OPA1: variants seen among roughly 807,000 people sequenced by gnomAD.
The protein encoded by OPA1 is OPA1 mitochondrial dynamin like GTPase.
Under a neutral mutation model 152.9 loss-of-function variants are expected in OPA1, and 59 were observed. The ratio of observed to expected loss-of-function variants is 0.39; its 90% CI spans 0.31 to 0.48. The LOEUF (loss-of-function observed/expected upper bound fraction) is 0.48, where lower values mean the gene tolerates loss of function less well. Ranked by LOEUF, OPA1 falls within the 20% of genes least tolerant of loss-of-function variation. The pLI is 0.96. For synonymous variants in OPA1, 400 were observed against 389.9 expected, an observed-to-expected ratio of 1.03 and a Z score of -0.31; for missense variants, 1,008 against 1,216.8, an observed-to-expected ratio of 0.83 and a Z score of 2.55.
intron 30 of OPA1, among the ~76,000 whole-genome samples, chr3:193,693,642 A>G (rs548518080): frequency 8.5e-5 from 13 of 152,240 alleles, no homozygotes; most frequent in African/African-American, 3.1e-4. Flanking sequence ...TCTTGTCTCA[A>G]AAAAAAAGTG....
intron 11 of OPA1, 99 bp downstream of exon 11, chr3:193,638,164 G>A: frequency 1.2e-6 from 1 of 843,842 alleles, no homozygotes; most frequent in Non-Finnish European, 2.0e-6. Context: ...ACCAAAGAAA[G>A]ACTTGATACA....
chr3:193,667,917 C>G (rs183063692), intron 29 of OPA1, among the ~76,000 whole-genome samples: 44 of 152,184 alleles, frequency 2.9e-4, no homozygotes, highest in African/African-American at 1.1e-3. Flanking sequence ...CAATACCTGA[C>G]CCAGCTTCCT....
chr3:193,606,033 G>C (rs1727211663), intron 1 of OPA1, among the ~76,000 whole-genome samples: 1 of 152,106 alleles, frequency 6.6e-6, no homozygotes, highest in Non-Finnish European at 1.5e-5. Context: ...GAATCCCTTA[G>C]AGCCTCCTTT....
At chr3:193,642,115 CAAAACAAACAAA>C (rs1234872372) in intron 11 of OPA1, among the ~76,000 whole-genome samples, 6 of 152,206 alleles carry the variant, frequency 3.9e-5, no homozygotes, top group Non-Finnish European at 8.8e-5. Flanking sequence ...GACTCGGTCT[CAAAACAAACAAA>C]AAAACAAACA....
At chr3:193,692,254 A>G (rs1464125356) in intron 30 of OPA1, 122 bp downstream of exon 30, 8 of 663,596 alleles carry the variant, frequency 1.2e-5, no homozygotes, top group African/African-American at 1.1e-4. Context: ...TTTCAATGGC[A>G]TGAATCTCTG....
intron 15 of OPA1, 128 bp downstream of exon 15, chr3:193,643,755 AT>A (rs1267010032): frequency 3.2e-6 from 3 of 940,702 alleles, no homozygotes; most frequent in Admixed American, 2.5e-5. Context: ...CTTCGTATTC[AT>A]TTTATTAGTA....
chr3:193,593,483 C>A, intron 1 of OPA1, 74 bp downstream of exon 1: 2 of 1,375,204 alleles, frequency 1.5e-6, no homozygotes, highest in South Asian at 1.5e-5. Context: ...TCTCTATCTC[C>A]AAAAATGTGC....
intron 6 of OPA1, chr3:193,624,144 A>G (rs1730642083): frequency 1.3e-5 from 2 of 152,452 alleles, no homozygotes; most frequent in African/African-American, 4.8e-5. Flanking sequence ...GCTGTAAAAA[A>G]AAGCATTGTG....
chr3:193,599,005 G>T (rs1262117084), intron 1 of OPA1, among the ~76,000 whole-genome samples: 2 of 152,138 alleles, frequency 1.3e-5, no homozygotes, highest in Non-Finnish European at 2.9e-5. Context: ...TGTGGTGATT[G>T]GTGACTTTCC....
intron 11 of OPA1, among the ~76,000 whole-genome samples, chr3:193,638,623 C>T (rs1260163876): frequency 6.6e-6 from 1 of 152,140 alleles, no homozygotes; most frequent in African/African-American, 2.4e-5. Flanking sequence ...ACATCAGAAT[C>T]GTCCCAATCA....
chr3:193,608,996 G>A (rs1293486183), intron 1 of OPA1, among the ~76,000 whole-genome samples: 1 of 152,120 alleles, frequency 6.6e-6, no homozygotes, highest in East Asian at 1.9e-4. Context: ...TTGGTTTAAA[G>A]TCTGTTTTAC....
At chr3:193,666,427 A>C (rs753142100) in intron 28 of OPA1, 38 bp downstream of exon 28, 8 of 1,414,248 alleles carry the variant, frequency 5.7e-6, no homozygotes, top group South Asian at 1.1e-5. Flanking sequence ...TTTTGACATT[A>C]AAAAATAATA....
chr3:193,666,358 T>C lies in OPA1; in HGVS notation c.2841T>C (p.Asn947=). 1 of 1,614,174 alleles carries C rather than the reference T, an allele frequency of 6.2e-7. No individual in the cohort carries two copies. Among genetic ancestry groups the C allele is most frequent in the Non-Finnish European group, 8.5e-7 (1 of 1,180,000 alleles). The change falls in exon 28 of 31, where the codon AAT becomes AAC. Residue 947 remains asparagine, a synonymous_variant. Transcript: ENST00000361510. Reference sequence around the variant, plus strand: ...AGCGCATGCTTGCTATCACCGCAAATACTTTAAGGCAACAACTTACAAATA... The same window carrying C: ...AGCGCATGCTTGCTATCACCGCAAACACTTTAAGGCAACAACTTACAAATA... ...RIQRMLAITA[N]TLRQQLTNTE...
At chr3:193,692,184 C>T in intron 30 of OPA1, 52 bp downstream of exon 30, 1 of 946,006 alleles carries the variant, frequency 1.1e-6, no homozygotes, top group Non-Finnish European at 1.7e-6. Context: ...CAAAATTACA[C>T]TTTTCTTAAT....
chr3:193,600,644 G>T (rs998941377), intron 1 of OPA1, among the ~76,000 whole-genome samples: 4 of 152,232 alleles, frequency 2.6e-5, no homozygotes, highest in Non-Finnish European at 5.9e-5. Context: ...GAGTATGATA[G>T]TGATTAAGGA....
intron 21 of OPA1, among the ~76,000 whole-genome samples, chr3:193,649,306 AATGC>A (rs1254434984): frequency 6.6e-6 from 1 of 152,178 alleles, no homozygotes; most frequent in Non-Finnish European, 1.5e-5. Context: ...TTTTGAACTT[AATGC>A]TATTAATACT....
At chr3:193,635,111 T>A (rs192035061) in intron 8 of OPA1, among the ~76,000 whole-genome samples, 1 of 152,246 alleles carries the variant, frequency 6.6e-6, no homozygotes, top group African/African-American at 2.4e-5. Context: ...CTAGAATGTA[T>A]TTAAGAACTA....
intron 1 of OPA1, among the ~76,000 whole-genome samples, chr3:193,601,694 C>G (rs1169748931): frequency 6.6e-6 from 1 of 152,118 alleles, no homozygotes; most frequent in Non-Finnish European, 1.5e-5. Flanking sequence ...GTATGTGATG[C>G]CTGCAAGCAC....
At chr3:193,629,431 G>T (rs918910505) in intron 7 of OPA1, among the ~76,000 whole-genome samples, 1 of 151,660 alleles carries the variant, frequency 6.6e-6, no homozygotes, top group African/African-American at 2.4e-5. Context: ...GGGCACGGTG[G>T]CTCACGCCTG....
Sources: gnomAD v4.1 joint callset for allele counts (sites outside exome capture counted in the v4.1 genomes callset) on GRCh38, gnomAD v4.1.1 for gene constraint, MANE v1.5 for transcripts, NCBI Gene and HGNC (gene_info 2026-07-23, HGNC 2026-07-21) for gene names.